ASTN2: variants seen among roughly 807,000 people sequenced by gnomAD.
ASTN2 encodes the protein astrotactin-2.
In ASTN2, 54 loss-of-function variants were observed where a neutral mutation model predicts 139.8. That is an observed-to-expected ratio of 0.39 (90% CI 0.31 to 0.48). The LOEUF (loss-of-function observed/expected upper bound fraction) is 0.48. Ranked by LOEUF, ASTN2 falls within the 20% of genes least tolerant of loss-of-function variation. The pLI, the probability that ASTN2 is intolerant of heterozygous loss-of-function variation, is 0.95. For missense variants in ASTN2, 1,565 were observed against 1,725.1 expected, an observed-to-expected ratio of 0.91 and a Z score of 1.64; for synonymous variants, 756 against 719.5, an observed-to-expected ratio of 1.05 and a Z score of -0.81.
intron 4 of ASTN2, among the ~76,000 whole-genome samples, chr9:117,125,648 A>C (rs1428895610): frequency 6.6e-6 from 1 of 152,230 alleles, no homozygotes; most frequent in African/African-American, 2.4e-5. Flanking sequence ...GCTAGCTGCA[A>C]GATCATGATG....
intron 19 of ASTN2, among the ~76,000 whole-genome samples, chr9:116,566,143 A>T (rs1165442822): frequency 6.6e-6 from 1 of 152,200 alleles, no homozygotes; most frequent in Non-Finnish European, 1.5e-5. Context: ...CTAATTCCTT[A>T]GTCTTGTCTG....
rs748455526 is a variant in ASTN2 at position 116,437,532 on chromosome 9, C to T, written c.3782+3077G>A. 1.6e-4 allele frequency: 74 copies of T among 471,126 alleles called. 1 individual carries two copies. The highest frequency in any genetic ancestry group is 9.0e-4 in the South Asian group (58 of 64,564). The allele number at this position is 471,126 out of a possible 1,614,324, so 29.2% of individuals were successfully genotyped here. On this transcript the variant is annotated intron_variant, in intron 22 of 22. Transcript: ENST00000313400. The stretch of plus-strand genomic sequence containing the variant: ...GAGTGGATTGCCTGGCCTCTGTGGG[C>T]GGCCCGGCCGCCTTTCCAGAAGATT...
chr9:116,739,237 A>G (rs1219783361), intron 13 of ASTN2, among the ~76,000 whole-genome samples: 1 of 152,200 alleles, frequency 6.6e-6, no homozygotes, highest in Non-Finnish European at 1.5e-5. Context: ...GGGATACAGC[A>G]GTGGAAAATC....
intron 20 of ASTN2, among the ~76,000 whole-genome samples, chr9:116,463,114 C>CT (rs931483488): frequency 6.6e-6 from 1 of 152,098 alleles, no homozygotes; most frequent in Non-Finnish European, 1.5e-5. Flanking sequence ...TAAGTCTATA[C>CT]TTCAACAATT....
chr9:117,001,340 C>A (rs1295530094), intron 7 of ASTN2, among the ~76,000 whole-genome samples: 3 of 152,102 alleles, frequency 2.0e-5, no homozygotes, highest in African/African-American at 7.2e-5. Context: ...TTAGTTTTTC[C>A]ATGACTTTCC....
chr9:117,390,657 C>G (rs1830516874), intron 1 of ASTN2, among the ~76,000 whole-genome samples: 1 of 152,160 alleles, frequency 6.6e-6, no homozygotes, highest in African/African-American at 2.4e-5. Context: ...TCCTCCATGT[C>G]TTTTTGCTGC....
Position 116,820,741 on chromosome 9 carries a change from A to G in ASTN2, c.2083T>C (p.Tyr695His), listed in dbSNP as rs1311103016. The G allele has an allele frequency of 1.2e-6, 2 of 1,614,056 alleles. No homozygotes were observed. The highest frequency in any genetic ancestry group is 2.7e-5 in the African/African-American group (2 of 74,950). ...LKPMKDGSGCYDHSKGIDCSD... is the reference protein window; with the variant it reads ...LKPMKDGSGCHDHSKGIDCSD... ...CAGTCAATGCCTTTGGAGTGGTCGTAGCAGCCAGAGCCATCCTTCATGGGT... is the reference window on the plus strand; with the variant it reads ...CAGTCAATGCCTTTGGAGTGGTCGTGGCAGCCAGAGCCATCCTTCATGGGT... Residue 695 changes from tyrosine to histidine, a missense_variant, in exon 12 of 23, where the codon TAC becomes CAC. Coordinates refer to ENST00000313400, the MANE Select transcript of ASTN2 (RefSeq NM_001365068.1).
At chr9:116,753,147 A>C (rs140326428) in intron 13 of ASTN2, among the ~76,000 whole-genome samples, 14 of 152,344 alleles carry the variant, frequency 9.2e-5, no homozygotes, top group Admixed American at 9.2e-4. Context: ...ACAAACATCC[A>C]TATAATGAAA....
At chr9:117,332,471 T>C (rs1045115256) in intron 1 of ASTN2, among the ~76,000 whole-genome samples, 1 of 152,124 alleles carries the variant, frequency 6.6e-6, no homozygotes, top group Non-Finnish European at 1.5e-5. Flanking sequence ...CAGGAGGCTG[T>C]GTGAGAATCG....
intron 17 of ASTN2, among the ~76,000 whole-genome samples, chr9:116,635,804 C>T (rs914180938): frequency 1.3e-5 from 2 of 152,164 alleles, no homozygotes; most frequent in Non-Finnish European, 2.9e-5. Context: ...TCTGAAAAGG[C>T]ATTAAGAAAA....
chr9:116,692,752 A>G (rs144587882), intron 16 of ASTN2, among the ~76,000 whole-genome samples: 4 of 152,192 alleles, frequency 2.6e-5, no homozygotes, highest in Non-Finnish European at 4.4e-5. Context: ...TTTCTCATCT[A>G]TTTTACAACT....
At chr9:116,896,234 G>A (rs1833876322) in intron 10 of ASTN2, among the ~76,000 whole-genome samples, 1 of 152,180 alleles carries the variant, frequency 6.6e-6, no homozygotes, top group South Asian at 2.1e-4. Flanking sequence ...ACTGAGAATT[G>A]AGCCAAGGAA....
chr9:117,412,601 G>A (rs990609958), intron 1 of ASTN2, among the ~76,000 whole-genome samples: 1 of 152,168 alleles, frequency 6.6e-6, no homozygotes, highest in African/African-American at 2.4e-5. Context: ...TCGAAGACTT[G>A]AAATGCTCTG....
intron 14 of ASTN2, among the ~76,000 whole-genome samples, chr9:116,729,495 G>C (rs564463080): frequency 6.6e-6 from 1 of 152,200 alleles, no homozygotes; most frequent in Non-Finnish European, 1.5e-5. Context: ...GGTACCAGAA[G>C]TGGGAGCCCT....
chr9:116,954,431 A>G (rs1470762865), intron 10 of ASTN2, among the ~76,000 whole-genome samples: 1 of 152,214 alleles, frequency 6.6e-6, no homozygotes, highest in Non-Finnish European at 1.5e-5. Context: ...AAGGGATGCC[A>G]ATGCTGCTGG....
chr9:117,064,997 G>A (rs987564934), intron 5 of ASTN2, among the ~76,000 whole-genome samples: 6 of 152,076 alleles, frequency 3.9e-5, no homozygotes, highest in African/African-American at 1.4e-4. Flanking sequence ...TTTAAGTTCA[G>A]GATCTCTAGA....
chr9:116,672,583 A>G (rs1421164489), intron 16 of ASTN2, among the ~76,000 whole-genome samples: 1 of 152,210 alleles, frequency 6.6e-6, no homozygotes, highest in Non-Finnish European at 1.5e-5. Context: ...TCCACAGAGC[A>G]CATATTCTTT....
chr9:116,462,994 T>C (rs1848538955), intron 20 of ASTN2, among the ~76,000 whole-genome samples: 1 of 152,104 alleles, frequency 6.6e-6, no homozygotes, highest in Non-Finnish European at 1.5e-5. Flanking sequence ...ATCCTCCCCA[T>C]CATGGTGAAT....
chr9:117,223,803 A>G (rs1395138745), intron 2 of ASTN2, among the ~76,000 whole-genome samples: 1 of 152,196 alleles, frequency 6.6e-6, no homozygotes. Flanking sequence ...ATTTATCTAT[A>G]TTTCTTTTTT....
Sources: gnomAD v4.1 joint callset for allele counts (sites outside exome capture counted in the v4.1 genomes callset) on GRCh38, gnomAD v4.1.1 for gene constraint, MANE v1.5 for transcripts, NCBI Gene and HGNC (gene_info 2026-07-23, HGNC 2026-07-21) for gene names.